Variants in MAST4 observed in about 807,000 individuals in gnomAD.
The protein encoded by MAST4 is microtubule associated serine/threonine kinase family member 4, also known as microtubule-associated serine/threonine-protein kinase 4.
MAST4 carries 89 observed loss-of-function variants against 162.7 expected under a neutral mutation model. The ratio of observed to expected loss-of-function variants is 0.55; its 90% CI spans 0.46 to 0.65. The LOEUF (loss-of-function observed/expected upper bound fraction) is 0.65, where lower values mean the gene tolerates loss of function less well. MAST4 is among the 30% of genes least tolerant of loss of function. MAST4 has a pLI of 0.00. For missense variants in MAST4, 3,153 were observed against 3,374.0 expected (o/e 0.93, Z 1.62); for synonymous variants, 1,479 against 1,361.1 (o/e 1.09, Z -1.91).
At chr5:66,913,678 T>C (rs1763918766) in intron 4 of MAST4, among the ~76,000 whole-genome samples, 1 of 152,252 alleles carries the variant, frequency 6.6e-6, no homozygotes, top group African/African-American at 2.4e-5. Flanking sequence ...GTTCTTTAAA[T>C]GCTTTTGGTA....
At chr5:66,903,280 TTA>T (rs1763122539) in intron 4 of MAST4, among the ~76,000 whole-genome samples, 1 of 152,168 alleles carries the variant, frequency 6.6e-6, no homozygotes, top group Non-Finnish European at 1.5e-5. Context: ...ATATGGGTGT[TTA>T]TATTATAGCC....
At chr5:66,685,178 GC>G (rs1248413850) in intron 1 of MAST4, among the ~76,000 whole-genome samples, 2 of 152,090 alleles carry the variant, frequency 1.3e-5, no homozygotes, top group African/African-American at 4.8e-5. Flanking sequence ...TGGGAGGATT[GC>G]TTGAGACTGG....
chr5:66,915,899 C>T (rs568965548), intron 4 of MAST4, among the ~76,000 whole-genome samples: 85 of 152,178 alleles, frequency 5.6e-4, no homozygotes, highest in African/African-American at 7.2e-4. Context: ...GGTTTCTCTT[C>T]GATTGGACCA....
intron 2 of MAST4, among the ~76,000 whole-genome samples, chr5:66,787,261 AGATT>A (rs929982530): frequency 4.6e-5 from 7 of 152,192 alleles, no homozygotes; most frequent in African/African-American, 1.4e-4. Context: ...AGTCCAGGAG[AGATT>A]GACTAACTTT....
chr5:66,861,390 G>A (rs994497906), intron 3 of MAST4, among the ~76,000 whole-genome samples: 1 of 152,244 alleles, frequency 6.6e-6, no homozygotes, highest in African/African-American at 2.4e-5. Context: ...TGCCACGGAT[G>A]TGCTGAATAT....
At chr5:66,779,380 T>C (rs1431340180) in intron 2 of MAST4, among the ~76,000 whole-genome samples, 1 of 149,416 alleles carries the variant, frequency 6.7e-6, no homozygotes, top group Admixed American at 6.7e-5. Flanking sequence ...CTTGTGTGAG[T>C]AAACACATAG....
chr5:66,751,292 T>C (rs948657388), intron 1 of MAST4, among the ~76,000 whole-genome samples: 36 of 152,316 alleles, frequency 2.4e-4, no homozygotes, highest in Non-Finnish European at 3.5e-4. Context: ...CAAAGCTGGA[T>C]GGAGAATGAC....
intron 23 of MAST4, among the ~76,000 whole-genome samples, chr5:67,147,590 C>T (rs752293792): frequency 3.3e-5 from 5 of 152,156 alleles, no homozygotes; most frequent in Non-Finnish European, 7.3e-5. Flanking sequence ...AGGGGTCAAA[C>T]GTATCCAACA....
At chr5:67,088,562 G>T (rs1455276227) in intron 5 of MAST4, among the ~76,000 whole-genome samples, 1 of 152,132 alleles carries the variant, frequency 6.6e-6, no homozygotes, top group Non-Finnish European at 1.5e-5. Flanking sequence ...GCTAAATTAG[G>T]GGTGTTGGGA....
At chr5:67,149,042 G>A (rs150520121) in intron 23 of MAST4, among the ~76,000 whole-genome samples, 2 of 150,728 alleles carry the variant, frequency 1.3e-5, no homozygotes, top group African/African-American at 4.9e-5. Context: ...TTCATGGTAT[G>A]GGGGGGGTAG....
At chr5:66,931,659 GTTTTC>G (rs1561456272) in intron 4 of MAST4, among the ~76,000 whole-genome samples, 2 of 152,036 alleles carry the variant, frequency 1.3e-5, no homozygotes, top group Non-Finnish European at 2.9e-5. Flanking sequence ...TGGAAATGGT[GTTTTC>G]TTTTTTCATG....
intron 4 of MAST4, among the ~76,000 whole-genome samples, chr5:67,045,745 A>G (rs1329979977): frequency 6.6e-6 from 1 of 152,212 alleles, no homozygotes; most frequent in African/African-American, 2.4e-5. Context: ...CAGCAGTTAC[A>G]GGTAGATTTT....
At chr5:66,941,181 A>G (rs1743324925) in intron 4 of MAST4, among the ~76,000 whole-genome samples, 1 of 152,138 alleles carries the variant, frequency 6.6e-6, no homozygotes, top group African/African-American at 2.4e-5. Context: ...AGAATGGTAA[A>G]TGAGCATTGG....
At chr5:67,029,391 A>G (rs964872051) in intron 4 of MAST4, among the ~76,000 whole-genome samples, 1 of 152,088 alleles carries the variant, frequency 6.6e-6, no homozygotes, top group East Asian at 1.9e-4. Context: ...ATAGGCATAT[A>G]TGTTTTGTTT....
intron 4 of MAST4, among the ~76,000 whole-genome samples, chr5:66,938,210 T>C (rs1054300504): frequency 2.6e-5 from 4 of 152,212 alleles, no homozygotes; most frequent in African/African-American, 9.6e-5. Flanking sequence ...TTATGGTAGA[T>C]GTTTTTTCTT....
intron 1 of MAST4, among the ~76,000 whole-genome samples, chr5:66,751,334 A>G (rs370449902): frequency 3.6e-3 from 552 of 152,308 alleles, no homozygotes; most frequent in Non-Finnish European, 6.5e-3. Context: ...GGCTTCAGAC[A>G]ATCAAATTAC....
intron 3 of MAST4, among the ~76,000 whole-genome samples, chr5:66,821,018 G>A (rs1325954672): frequency 1.3e-5 from 2 of 152,226 alleles, no homozygotes; most frequent in South Asian, 4.1e-4. Context: ...TTGCAAGTGG[G>A]AAGGAAAACT....
chr5:66,699,324 C>T (rs959380686), intron 1 of MAST4, among the ~76,000 whole-genome samples: 3 of 152,194 alleles, frequency 2.0e-5, no homozygotes, highest in Non-Finnish European at 4.4e-5. Flanking sequence ...CAGCAGCACA[C>T]CCTCCCCCAA....
intron 3 of MAST4, among the ~76,000 whole-genome samples, chr5:66,897,436 T>A (rs1033561610): frequency 6.6e-6 from 1 of 152,248 alleles, no homozygotes; most frequent in Non-Finnish European, 1.5e-5. Context: ...CATGTGGCCC[T>A]CATCCATTAG....
Sources: allele counts gnomAD v4.1 joint callset (sites outside exome capture counted in the v4.1 genomes callset), GRCh38; gene constraint gnomAD v4.1.1; transcripts MANE v1.5; gene names NCBI Gene and HGNC (gene_info 2026-07-23, HGNC 2026-07-21).